The following LRRC15 variants were observed in gnomAD, a reference collection of about 807,000 sequenced individuals.
LRRC15 encodes the protein leucine-rich repeat-containing protein 15.
LRRC15 carries 5 observed loss-of-function variants against 4.3 expected under a neutral mutation model. That is an observed-to-expected ratio of 1.16 (90% CI 0.61 to 2.44). The LOEUF (loss-of-function observed/expected upper bound fraction) is 2.44, where lower values mean the gene tolerates loss of function less well. LRRC15 is among the 30% of genes most tolerant of loss of function. LRRC15 has a pLI of 0.01. For synonymous variants in LRRC15, 337 were observed against 323.2 expected (o/e 1.04, Z -0.46); for missense variants, 769 against 747.0 (o/e 1.03, Z -0.34).
intron 1 of LRRC15, among the ~76,000 whole-genome samples, chr3:194,368,964 G>A (rs761214530): frequency 5.9e-4 from 90 of 152,314 alleles, no homozygotes; most frequent in African/African-American, 1.9e-3. Context: ...CACAGAGGCC[G>A]ACGCTTCCAG....
In LRRC15 at chr3:194,359,263, C is replaced by G; in HGVS notation, c.*35G>C. On this transcript the variant is annotated 3_prime_UTR_variant, in exon 2 of 2. Transcript: ENST00000347624. ...AGATGAAATTCCCAGGTCCTCCAGT[C>G]CCATCATTCCCCAGCCCTGCTCCAG... is the stretch of plus-strand genomic sequence containing the variant. 6.6e-7 allele frequency: 1 copy of G among 1,510,306 alleles called. No homozygotes were observed. The allele number at this position is 1,510,306 out of a possible 1,614,324, so 93.6% of individuals were successfully genotyped here.
Position 194,359,084 on chromosome 3 carries a change from A to G in LRRC15, c.*214T>C, listed in dbSNP as rs566942207. 1.7e-4 allele frequency: 83 copies of G among 481,242 alleles called. 1 individual carries two copies. In the South Asian group the frequency reaches 3.1e-3, roughly 18 times the overall value. 29.8% of individuals were successfully genotyped at this position (481,242 alleles called of 1,614,324 possible). A position where few individuals can be genotyped will look rare whatever the true frequency, so the allele number is the denominator to read the frequency against. On this transcript the variant is annotated 3_prime_UTR_variant, in exon 2 of 2. Transcript: ENST00000347624. ...AATCCCCAGGGCTTTTGCCATGGCC[A>G]GTTGGATCTATCTTCCTGATTGTAG...
rs763009142 is a variant in LRRC15 at position 194,360,878 on chromosome 3, T to C, written c.166A>G (p.Met56Val). 3.7e-6 allele frequency: 6 copies of C among 1,608,542 alleles called. No homozygotes were observed. Among genetic ancestry groups the C allele is most frequent in the East Asian group, 2.2e-5 (1 of 44,796 alleles). Residue 56 changes from methionine to valine, a missense_variant, in exon 2 of 2, where the codon ATG (methionine) becomes GTG (valine). Transcript: ENST00000347624. Reference sequence around the variant, plus strand: ...TGCGTGTTGAGGATCTGCAGGCTCATGGCGTTCCAGGGCAGAGGGGTGGGC... The same window carrying C: ...TGCGTGTTGAGGATCTGCAGGCTCACGGCGTTCCAGGGCAGAGGGGTGGGC... ...AVPTPLPWNA[M>V]SLQILNTHIT...
Position 194,360,292 on chromosome 3 carries a change from T to A in LRRC15, c.752A>T (p.Tyr251Phe). 6.2e-7 allele frequency: 1 copy of A among 1,614,066 alleles called. No homozygotes were observed. Among genetic ancestry groups the A allele is most frequent in the South Asian group, 1.1e-5 (1 of 91,078 alleles). ...CTGGGAGATGTGGTTGTTGGACAGG[T>A]AGAGTCTCTGGAGGTTGTGGTTGTT... ...FHNNHNLQRL[Y>F]LSNNHISQLP... The change falls in exon 2 of 2, where the codon TAC (tyrosine) becomes TTC (phenylalanine). Residue 251 changes from tyrosine (Y) to phenylalanine (F), a missense_variant. Coordinates refer to ENST00000347624, the MANE Select transcript of LRRC15 (RefSeq NM_130830.5).
At chr3:194,364,343 C>A (rs557692730) in intron 1 of LRRC15, among the ~76,000 whole-genome samples, 1 of 152,130 alleles carries the variant, frequency 6.6e-6, no homozygotes, top group African/African-American at 2.4e-5. Context: ...CCTGGGCTGA[C>A]GTGCAAAAGG....
At position 194,359,298 on chromosome 3, in the gene LRRC15, T is replaced by C; in HGVS notation, c.1746A>G (p.Ter582=). 1.3e-6 allele frequency: 2 copies of C among 1,573,276 alleles called. No individual in the cohort carries two copies. Among genetic ancestry groups the C allele is most frequent in the Non-Finnish European group, 1.7e-6 (2 of 1,158,480 alleles). The change falls in exon 2 of 2, where the codon TAA becomes TAG. Residue 582 remains the stop codon, a stop_retained_variant. Coordinates refer to ENST00000347624, the MANE Select transcript of LRRC15 (RefSeq NM_130830.5). The part of the protein sequence containing the change: ...LMQMKAPNEC[*] ...CCCAGCCCTGCTCCAGCCTGCCTCT[T>C]TAACACTCATTGGGTGCCTTCATCT... is the stretch of plus-strand genomic sequence containing the variant.
At chr3:194,366,112 G>A (rs1043761200) in intron 1 of LRRC15, among the ~76,000 whole-genome samples, 4 of 152,188 alleles carry the variant, frequency 2.6e-5, no homozygotes, top group East Asian at 1.9e-4. Flanking sequence ...CCTCAATCAC[G>A]CGCTCATGGG....
intron 1 of LRRC15, among the ~76,000 whole-genome samples, chr3:194,362,710 A>C (rs190076884): frequency 6.6e-6 from 1 of 152,278 alleles, no homozygotes; most frequent in East Asian, 1.9e-4. Context: ...CAGAGGAAGG[A>C]ATTTCAAATG....
At chr3:194,361,499 CA>C in intron 1 of LRRC15, among the ~76,000 whole-genome samples, 1 of 152,228 alleles carries the variant, frequency 6.6e-6, no homozygotes, top group Non-Finnish European at 1.5e-5. Flanking sequence ...TTCATCCCTA[CA>C]GTTTCCTTAG....
intron 1 of LRRC15, among the ~76,000 whole-genome samples, chr3:194,364,595 G>A (rs1713723033): frequency 6.6e-6 from 1 of 152,188 alleles, no homozygotes; most frequent in Non-Finnish European, 1.5e-5. Flanking sequence ...TCCCCAGCTG[G>A]GGAGGGGCAT....
intron 1 of LRRC15, among the ~76,000 whole-genome samples, chr3:194,362,662 A>G (rs914421681): frequency 6.6e-6 from 1 of 152,168 alleles, no homozygotes; most frequent in Non-Finnish European, 1.5e-5. Context: ...TTGAGTGTTA[A>G]TGCTGTGTCT....
At position 194,358,258 on chromosome 3, in the gene LRRC15, T is replaced by C. The variant is rs6772860; in HGVS notation, c.*1040A>G. ...AGCCCAGGATGGGGGATATTTGTGA[T>C]GCTCTGGGTCTGGGTCTAGATGCTG... On this transcript the variant is annotated 3_prime_UTR_variant, in exon 2 of 2. Coordinates refer to ENST00000347624, the MANE Select transcript of LRRC15 (RefSeq NM_130830.5). 0.18 allele frequency: 27,296 copies of C among 152,338 alleles called. 2,863 individuals carry two copies. Among genetic ancestry groups the C allele is most frequent in the Non-Finnish European group, 0.24 (16,493 of 68,046 alleles). The allele number at this position is 152,338 out of a possible 1,614,324, so 9.4% of individuals were successfully genotyped here.
chr3:194,361,950 A>C (rs1377574459), intron 1 of LRRC15, among the ~76,000 whole-genome samples: 2 of 152,212 alleles, frequency 1.3e-5, no homozygotes, highest in African/African-American at 4.8e-5. Flanking sequence ...CCTTGTGGGT[A>C]TAAGTCCCAG....
rs576351867 is a variant in LRRC15 at position 194,369,651 on chromosome 3, G to A, written c.-4+10C>T. ...CAGAGAGGAGGGATGGGGGTGGCTT[G>A]CCTACTTACCAGCAGCTCGGCGCCC... On this transcript the variant is annotated intron_variant, in intron 1 of 1. Transcript: ENST00000347624. 56 of 152,502 alleles carry A rather than the reference G, an allele frequency of 3.7e-4. No homozygotes were observed. In the East Asian group the frequency reaches 4.6e-3, roughly 13 times the overall value. 9.4% of individuals were successfully genotyped at this position (152,502 alleles called of 1,614,324 possible). A position where few individuals can be genotyped will look rare whatever the true frequency, so the allele number is the denominator to read the frequency against.
Position 194,359,471 on chromosome 3 carries a change from C to A in LRRC15, c.1573G>T (p.Asp525Tyr), listed in dbSNP as rs1356776446. The A allele has an allele frequency of 6.2e-7, 1 of 1,614,256 alleles. No homozygotes were observed. The highest frequency in any genetic ancestry group is 1.1e-5 in the South Asian group (1 of 91,082). ...GTCATGCCCCAAACGCTGCGGTCAT[C>A]AGTGACCTGAATGGTAGTCAGATCA... is the stretch of plus-strand genomic sequence containing the variant. ...YTDLTTIQVT[D>Y]DRSVWGMTQA... is the part of the protein sequence containing the mutation. Residue 525 changes from aspartate (D) to tyrosine (Y), a missense_variant, in exon 2 of 2, where the codon GAT becomes TAT. Asp to Tyr is a radical substitution (Grantham distance 160, BLOSUM62 -3). Coordinates refer to ENST00000347624, the MANE Select transcript of LRRC15 (RefSeq NM_130830.5).
rs748028002 is a variant in LRRC15, at chr3:194,359,708, C to T, written c.1336G>A (p.Gly446Arg). ...NWLLLNQPRLGTDTVPVCFSP... is the reference protein window; with the variant it reads ...NWLLLNQPRLRTDTVPVCFSP... ...AAACACACAGGTACAGTGTCCGTCC[C>T]TAACCTAGGCTGGTTGAGCAGGAGC... is the stretch of plus-strand genomic sequence containing the variant. Residue 446 changes from glycine to arginine, a missense_variant, in exon 2 of 2, where the codon GGG (glycine) becomes AGG (arginine). Coordinates refer to ENST00000347624, the MANE Select transcript of LRRC15 (RefSeq NM_130830.5). 3 of 1,614,100 alleles carry T rather than the reference C, an allele frequency of 1.9e-6. No homozygotes were observed. Among genetic ancestry groups the T allele is most frequent in the South Asian group, 2.2e-5 (2 of 91,078 alleles).
rs1409929467 is a variant in LRRC15 at position 194,358,447 on chromosome 3, A to G, written c.*851T>C. On this transcript the variant is annotated 3_prime_UTR_variant, in exon 2 of 2. Transcript: ENST00000347624. ...CACCAGATTTCTTTCTCTATCCCGT[A>G]TTAATAAGCTGATTTTAATGTTTTT... 6.6e-6 allele frequency: 1 copy of G among 152,246 alleles called. No individual in the cohort carries two copies. Among genetic ancestry groups the G allele is most frequent in the African/African-American group, 2.4e-5 (1 of 41,462 alleles). The allele number at this position is 152,246 out of a possible 1,614,324, so 9.4% of individuals were successfully genotyped here. A position where few individuals can be genotyped will look rare whatever the true frequency, so the allele number is the denominator to read the frequency against.
intron 1 of LRRC15, among the ~76,000 whole-genome samples, chr3:194,364,761 T>C (rs763095586): frequency 2.5e-4 from 38 of 152,250 alleles, no homozygotes; most frequent in Admixed American, 1.4e-3. Context: ...TTCCTCTGTA[T>C]AAATCCTCAC....
In LRRC15 at chr3:194,359,307, A is replaced by C. The variant is rs1312060737; in HGVS notation, c.1737T>G (p.Asn579Lys). Residue 579 changes from asparagine to lysine, a missense_variant, in exon 2 of 2, where the codon AAT becomes AAG. Transcript: ENST00000347624. ...GCTCCAGCCTGCCTCTTTAACACTCATTGGGTGCCTTCATCTGCATCAGGA... is the reference window on the plus strand; with the variant it reads ...GCTCCAGCCTGCCTCTTTAACACTCCTTGGGTGCCTTCATCTGCATCAGGA... ...QAVLMQMKAPNEC is the reference protein window; with the variant it reads ...QAVLMQMKAPKEC The C allele has an allele frequency of 6.3e-7, 1 of 1,590,092 alleles. No homozygotes were observed. The highest frequency in any genetic ancestry group is 1.3e-5 in the African/African-American group (1 of 74,636).
Sources: gnomAD v4.1 joint callset for allele counts (sites outside exome capture counted in the v4.1 genomes callset) on GRCh38, gnomAD v4.1.1 for gene constraint, MANE v1.5 for transcripts, NCBI Gene and HGNC (gene_info 2026-07-23, HGNC 2026-07-21) for gene names.